Variants in CEP295 observed in about 807,000 individuals in gnomAD.
CEP295 encodes centrosomal protein of 295 kDa.
CEP295 carries 190 observed loss-of-function variants against 291.6 expected under a neutral mutation model. That is an observed-to-expected ratio of 0.65 (90% CI 0.58 to 0.73). CEP295 has a LOEUF of 0.73. CEP295 is among the 30% of genes least tolerant of loss of function. CEP295 has a pLI of 0.00. For synonymous variants in CEP295, 993 were observed against 1,038.8 expected, an observed-to-expected ratio of 0.96 and a Z score of 0.85; for missense variants, 2,863 against 2,949.4, an observed-to-expected ratio of 0.97 and a Z score of 0.68.
At chr11:93,708,787 C>T (rs545882071) in intron 18 of CEP295, among the ~76,000 whole-genome samples, 1 of 152,346 alleles carries the variant, frequency 6.6e-6, no homozygotes, top group South Asian at 2.1e-4. Flanking sequence ...TCCCTTCTCA[C>T]CACATCTTTG....
intron 1 of CEP295, among the ~76,000 whole-genome samples, chr11:93,666,207 A>G (rs1011967831): frequency 1.3e-5 from 2 of 152,150 alleles, no homozygotes; most frequent in Non-Finnish European, 2.9e-5. Context: ...GTGAATTTAT[A>G]ATTGCTATTT....
Position 93,698,846 on chromosome 11 carries a change from C to G in CEP295, c.3934C>G (p.Leu1312Val). 3 of 1,551,736 alleles carry G rather than the reference C, an allele frequency of 1.9e-6. No homozygotes were observed. Among genetic ancestry groups the G allele is most frequent in the Non-Finnish European group, 2.6e-6 (3 of 1,147,002 alleles). The stretch of plus-strand genomic sequence containing the variant: ...AGCTTCAGCTGAGTCTGGCACAATC[C>G]TGGAACCTCTTTTTACAGAGAGTGA... ...SLASAESGTI[L>V]EPLFTESESK... The change falls in exon 15 of 30, where the codon CTG becomes GTG. Residue 1312 changes from leucine to valine, a missense_variant. Around this residue, in one of 3 missense-constraint regions of CEP295, gnomAD observed 2,295 missense variants for 2,335.7 expected, o/e 0.98. Coordinates refer to ENST00000325212, the MANE Select transcript of CEP295 (RefSeq NM_033395.2).
chr11:93,698,478 C>G lies in CEP295; in HGVS notation c.3566C>G (p.Thr1189Arg). 1 of 1,551,958 alleles carries G rather than the reference C, an allele frequency of 6.4e-7. No homozygotes were observed. The highest frequency in any genetic ancestry group is 8.7e-7 in the Non-Finnish European group (1 of 1,147,044). ...AKEGTQEFVH[T>R]ESELEKRISS... Reference sequence around the variant, plus strand: ...GAAGGAACTCAGGAATTTGTACACACAGAAAGTGAATTGGAGAAAAGAATT... The same window carrying G: ...GAAGGAACTCAGGAATTTGTACACAGAGAAAGTGAATTGGAGAAAAGAATT... The change falls in exon 15 of 30, where the codon ACA becomes AGA. Residue 1189 changes from threonine to arginine, a missense_variant. Thr to Arg is a moderately conservative substitution (Grantham distance 71). Transcript: ENST00000325212.
At position 93,726,263 on chromosome 11, in the gene CEP295, T is replaced by C. The variant is rs554728565; in HGVS notation, c.6499+432T>C. On this transcript the variant is annotated intron_variant, in intron 23 of 29. Coordinates refer to ENST00000325212, the MANE Select transcript of CEP295 (RefSeq NM_033395.2). ...CTCCTGCCTCACTCAGCCTCCCAAG[T>C]AGCTGGGATTACAGGCATGTGCCAC... Among the ~76,000 whole-genome samples, 4 of 152,360 alleles carry C rather than the reference T, an allele frequency of 2.6e-5. No homozygotes were observed. The South Asian group carries it at 8.3e-4, about 32-fold the overall frequency.
chr11:93,715,417 G>A lies in CEP295; in HGVS notation c.5750-5895G>A, dbSNP rs1041572878. ...CTCTCTGACCCAGGGTAGGTTCAGA[G>A]ATGCCATCCAAGAGCCAAGGCCTGG... On this transcript the variant is annotated intron_variant, in intron 18 of 29. Transcript: ENST00000325212. 1.4e-3 allele frequency among the ~76,000 whole-genome samples: 207 copies of A among 152,198 alleles called. 1 individual carries two copies. Among genetic ancestry groups the A allele is most frequent in the Middle Eastern group, 6.8e-3 (2 of 294 alleles).
At chr11:93,691,830 TA>T in intron 11 of CEP295, 55 bp downstream of exon 11, 1 of 1,306,458 alleles carries the variant, frequency 7.7e-7, no homozygotes. Flanking sequence ...ATCTTTTTTT[TA>T]AATAAAATTA....
chr11:93,673,542 G>A (rs540267890), intron 5 of CEP295, among the ~76,000 whole-genome samples: 1 of 151,904 alleles, frequency 6.6e-6, no homozygotes, highest in East Asian at 1.9e-4. Flanking sequence ...CGCCCAGGCT[G>A]GAGGGCAGTG....
Position 93,699,521 on chromosome 11 carries a change from T to G in CEP295, c.4609T>G (p.Leu1537Val). The change falls in exon 15 of 30, where the codon TTG becomes GTG. Residue 1537 changes from leucine (L) to valine (V), a missense_variant. Around this residue, in one of 3 missense-constraint regions of CEP295, gnomAD observed 2,295 missense variants for 2,335.7 expected, o/e 0.98. Coordinates refer to ENST00000325212, the MANE Select transcript of CEP295 (RefSeq NM_033395.2). ...ATTGCTTTTGCAAAGATTAAGTGAATTGGAGAAAAGGGTATCATCTGAACA... is the reference window on the plus strand; with the variant it reads ...ATTGCTTTTGCAAAGATTAAGTGAAGTGGAGAAAAGGGTATCATCTGAACA... ...EELLLQRLSE[L>V]EKRVSSEQVC... 6.4e-7 allele frequency: 1 copy of G among 1,551,826 alleles called. No individual in the cohort carries two copies. Among genetic ancestry groups the G allele is most frequent in the Non-Finnish European group, 8.7e-7 (1 of 1,147,044 alleles).
At chr11:93,669,617 C>A in intron 4 of CEP295, 60 bp from the exon 5 acceptor site, 1 of 1,093,510 alleles carries the variant, frequency 9.1e-7, no homozygotes, top group Non-Finnish European at 1.3e-6. Context: ...TATTTTTAAC[C>A]CTGTTGTACT....
intron 3 of CEP295, among the ~76,000 whole-genome samples, 163 bp from the exon 4 acceptor site, chr11:93,668,644 CT>C (rs1312775409): frequency 6.6e-6 from 1 of 152,226 alleles, no homozygotes; most frequent in African/African-American, 2.4e-5. Flanking sequence ...TTTGTCCCCC[CT>C]AATATGGCAT....
Position 93,679,525 on chromosome 11 carries a change from A to C in CEP295, c.738A>C (p.Gln246His). Residue 246 changes from glutamine to histidine, a missense_variant, in exon 7 of 30, where the codon CAA becomes CAC. Around this residue, in one of 3 missense-constraint regions of CEP295, gnomAD observed 554 missense variants for 576.0 expected, o/e 0.96. Transcript: ENST00000325212. ...AAAAGGCACATGTACGGGGATTCCA[A>C]GCAATGAAGAAGATCCATTTGGCTC... is the stretch of plus-strand genomic sequence containing the variant. The part of the protein sequence containing the change: ...RFEKAHVRGF[Q>H]AMKKIHLAQN... The C allele has an allele frequency of 6.4e-7, 1 of 1,551,450 alleles. No individual in the cohort carries two copies. The highest frequency in any genetic ancestry group is 1.2e-5 in the South Asian group (1 of 84,030).
chr11:93,692,784 C>G (rs1951633414), intron 12 of CEP295, among the ~76,000 whole-genome samples: 1 of 150,646 alleles, frequency 6.6e-6, no homozygotes, highest in Non-Finnish European at 1.5e-5. Context: ...ACCCACCTGG[C>G]CAACCTGGTG....
In CEP295 at chr11:93,683,617, G is replaced by A; in HGVS notation, c.824G>A (p.Arg275Lys). The change falls in exon 8 of 30, where the codon AGG becomes AAG. Residue 275 changes from arginine to lysine, a missense_variant. Around this residue, in one of 3 missense-constraint regions of CEP295, gnomAD observed 554 missense variants for 576.0 expected, o/e 0.96. Coordinates refer to ENST00000325212, the MANE Select transcript of CEP295 (RefSeq NM_033395.2). ...KQLQQEDLAR[R>K]RQTVAQMPPQ... ...CTACAGCAAGAGGACCTGGCACGTA[G>A]GAGACAGACTGTAGCACAAATGCCA... 6.5e-7 allele frequency: 1 copy of A among 1,547,222 alleles called. No homozygotes were observed. The highest frequency in any genetic ancestry group is 8.7e-7 in the Non-Finnish European group (1 of 1,145,984).
intron 10 of CEP295, among the ~76,000 whole-genome samples, chr11:93,690,729 C>CAA (rs10608060): frequency 5.1e-4 from 35 of 68,324 alleles, no homozygotes; most frequent in African/African-American, 1.0e-3. Flanking sequence ...GACTCCGTCT[C>CAA]AAAAAAAAAA....
chr11:93,670,458 T>C (rs1950388083), intron 5 of CEP295, among the ~76,000 whole-genome samples: 1 of 152,210 alleles, frequency 6.6e-6, no homozygotes, highest in South Asian at 2.1e-4. Context: ...TAGCTTGTTA[T>C]AGTTATTGAA....
At chr11:93,730,198 C>T in intron 29 of CEP295, 33 bp from the exon 30 acceptor site, 2 of 1,551,228 alleles carry the variant, frequency 1.3e-6, no homozygotes, top group Non-Finnish European at 1.7e-6. Flanking sequence ...ATGAAGTACA[C>T]AACTGAAACT....
intron 4 of CEP295, 37 bp from the exon 5 acceptor site, chr11:93,669,640 C>A (rs1401464187): frequency 2.3e-6 from 3 of 1,306,992 alleles, no homozygotes; most frequent in Non-Finnish European, 3.2e-6. Flanking sequence ...AATATTATCA[C>A]TGAGAGATTA....
chr11:93,689,795 T>C (rs543172202), intron 10 of CEP295, among the ~76,000 whole-genome samples: 55 of 152,348 alleles, frequency 3.6e-4, no homozygotes, highest in Non-Finnish European at 6.2e-4. Context: ...CCCCAGAGTC[T>C]AGACTACTGC....
chr11:93,721,417 G>T lies in CEP295; in HGVS notation c.5850+5G>T. ...ACTGTGAAGCCAGATGATAAGGTTA[G>T]TAATGTCTTAATGTTCACTCGATTT... is the stretch of plus-strand genomic sequence containing the variant. On this transcript the variant is annotated splice_donor_5th_base_variant and intron_variant, in intron 19 of 29. Coordinates refer to ENST00000325212, the MANE Select transcript of CEP295 (RefSeq NM_033395.2). The T allele has an allele frequency of 6.5e-7, 1 of 1,545,604 alleles. No homozygotes were observed.
Sources: gnomAD v4.1 joint callset for allele counts (sites outside exome capture counted in the v4.1 genomes callset) on GRCh38, gnomAD v4.1.1 for gene constraint, gnomAD v4.1.1 regional missense constraint, MANE v1.5 for transcripts, NCBI Gene and HGNC (gene_info 2026-07-23, HGNC 2026-07-21) for gene names.